The following GPATCH2 variants were observed in gnomAD, a reference collection of about 807,000 sequenced individuals.
The protein encoded by GPATCH2 is G patch domain-containing protein 2.
A neutral mutation model predicts 58.0 loss-of-function variants in GPATCH2; 51 were observed. That is an observed-to-expected ratio of 0.88 (90% CI 0.70 to 1.11). The LOEUF is 1.11. Among genes scored for constraint, GPATCH2 ranks in the 50% most tolerant of loss-of-function variants. GPATCH2 has a pLI of 0.00. For synonymous variants in GPATCH2, 222 were observed against 218.5 expected (o/e 1.02, Z -0.14); for missense variants, 625 against 652.2 (o/e 0.96, Z 0.45).
intron 7 of GPATCH2, 27 bp downstream of exon 7, chr1:217,498,328 CT>C: frequency 6.3e-7 from 1 of 1,576,042 alleles, no homozygotes. Flanking sequence ...GGCTGAGTAA[CT>C]TCCTTTTGGA....
chr1:217,495,207 T>A (rs562142387), intron 7 of GPATCH2: 2 of 161,448 alleles, frequency 1.2e-5, no homozygotes, highest in South Asian at 4.0e-4. Flanking sequence ...TAATGGTTTT[T>A]ACATTTAAAG....
At chr1:217,540,518 TTTTTC>T (rs1256204874) in intron 5 of GPATCH2, among the ~76,000 whole-genome samples, 2 of 152,214 alleles carry the variant, frequency 1.3e-5, no homozygotes, top group East Asian at 3.9e-4. Flanking sequence ...TATAAAATCT[TTTTTC>T]TTTTAGTAAC....
chr1:217,440,351 G>A (rs1659075925), intron 9 of GPATCH2, among the ~76,000 whole-genome samples: 1 of 152,160 alleles, frequency 6.6e-6, no homozygotes, highest in Non-Finnish European at 1.5e-5. Flanking sequence ...AGGTATTGAT[G>A]AAATGTATCT....
intron 8 of GPATCH2, among the ~76,000 whole-genome samples, chr1:217,488,832 C>G (rs1441911307): frequency 1.3e-5 from 2 of 151,582 alleles, no homozygotes; most frequent in Non-Finnish European, 2.9e-5. Context: ...GCTGGGACTA[C>G]AGACATGCAC....
At chr1:217,594,929 C>G (rs777864484) in intron 5 of GPATCH2, among the ~76,000 whole-genome samples, 1 of 152,100 alleles carries the variant, frequency 6.6e-6, no homozygotes, top group Non-Finnish European at 1.5e-5. Context: ...ATCCAGTCAG[C>G]TAGACAGCTG....
At chr1:217,432,274 A>G (rs1658577706) in intron 9 of GPATCH2, among the ~76,000 whole-genome samples, 1 of 152,100 alleles carries the variant, frequency 6.6e-6, no homozygotes, top group Non-Finnish European at 1.5e-5. Context: ...GTAATTGAGA[A>G]ATGCATCTAT....
In GPATCH2 at chr1:217,551,409, G is replaced by C. The variant is rs529412162; in HGVS notation, c.1099-36520C>G. Among the ~76,000 whole-genome samples, 226 of 152,158 alleles carry C rather than the reference G, an allele frequency of 1.5e-3. 1 individual carries two copies. The highest frequency in any genetic ancestry group is 3.2e-3 in the Admixed American group (49 of 15,266). ...ATGCAAATTCTCAAACCCTAACAAA[G>C]ACCTACAGAATCAGAAACTGGAAGT... is the stretch of plus-strand genomic sequence containing the variant. On this transcript the variant is annotated intron_variant, in intron 5 of 9. Transcript: ENST00000366935.
At chr1:217,608,882 T>C (rs1026485327) in intron 5 of GPATCH2, 1 of 983,112 alleles carries the variant, frequency 1.0e-6, no homozygotes, top group Non-Finnish European at 1.2e-6. Flanking sequence ...CCATTTTTAA[T>C]CTCTCCAAAT....
chr1:217,467,495 T>G (rs913690015), intron 8 of GPATCH2, among the ~76,000 whole-genome samples: 1 of 152,140 alleles, frequency 6.6e-6, no homozygotes, highest in Non-Finnish European at 1.5e-5. Flanking sequence ...TAGTGATTAT[T>G]TTACTGGTAG....
chr1:217,468,531 A>ACACAAC lies in GPATCH2; in HGVS notation c.1278-19195_1278-19194insGTTGTG, dbSNP rs1261829933. ...CACACACAACCACACACACACACAC[A>ACACAAC]CACACACACACACACACACACACAC... On this transcript the variant is annotated intron_variant, in intron 8 of 9. Coordinates refer to ENST00000366935, the MANE Select transcript of GPATCH2 (RefSeq NM_018040.5). Among the ~76,000 whole-genome samples the ACACAAC allele has an allele frequency of 1.7e-4, 15 of 90,562 alleles. No homozygotes were observed. In the South Asian group the frequency reaches 4.3e-3, roughly 26 times the overall value. The allele number at this position is 90,562 out of a possible 152,430, so 59.4% of individuals were successfully genotyped here. A position where few individuals can be genotyped will look rare whatever the true frequency, so the allele number is the denominator to read the frequency against.
intron 5 of GPATCH2, among the ~76,000 whole-genome samples, chr1:217,522,573 C>T (rs553267788): frequency 5.3e-5 from 8 of 152,184 alleles, no homozygotes; most frequent in African/African-American, 1.7e-4. Flanking sequence ...CATATGTTTA[C>T]GTAAAATCCA....
chr1:217,609,943 G>A, intron 5 of GPATCH2: 8 of 1,252,726 alleles, frequency 6.4e-6, no homozygotes, highest in Non-Finnish European at 7.0e-6. Context: ...TCCACCCTGG[G>A]CCAACCTAAA....
chr1:217,478,640 C>T (rs1661073294), intron 8 of GPATCH2, among the ~76,000 whole-genome samples: 7 of 151,340 alleles, frequency 4.6e-5, no homozygotes, highest in Admixed American at 3.9e-4. Context: ...GACCTAGCCT[C>T]AAAAGGGCAA....
chr1:217,498,494 A>C, intron 6 of GPATCH2, 99 bp from the exon 7 acceptor site: 1 of 846,754 alleles, frequency 1.2e-6, no homozygotes, highest in East Asian at 2.4e-5. Context: ...TGTCACCAGC[A>C]ACACAGCCTT....
intron 5 of GPATCH2, among the ~76,000 whole-genome samples, chr1:217,543,415 G>A (rs1351450016): frequency 4.6e-5 from 7 of 151,884 alleles, no homozygotes; most frequent in Admixed American, 2.6e-4. Context: ...GACTACAGGC[G>A]CCCACCACCT....
rs187138867 is a variant in GPATCH2, at chr1:217,609,651, C to G, written c.1098+670G>C. ...CTCATCTTAGCCCTTGTTAAAATAC[C>G]CTGAGTAAAATGCAAATATTTTAAA... On this transcript the variant is annotated intron_variant, in intron 5 of 9. Transcript: ENST00000366935. The G allele has an allele frequency of 3.1e-6, 3 of 977,070 alleles. No homozygotes were observed. The Admixed American group carries it at 1.8e-4, about 60-fold the overall frequency. 60.5% of individuals were successfully genotyped at this position (977,070 alleles called of 1,614,324 possible).
chr1:217,506,724 C>A (rs1024007912), intron 6 of GPATCH2, among the ~76,000 whole-genome samples: 4 of 152,216 alleles, frequency 2.6e-5, no homozygotes, highest in Admixed American at 1.3e-4. Context: ...CCTTGCCGAA[C>A]CTTCTCTGGT....
chr1:217,540,730 C>A (rs1664696756), intron 5 of GPATCH2, among the ~76,000 whole-genome samples: 1 of 152,048 alleles, frequency 6.6e-6, no homozygotes, highest in Non-Finnish European at 1.5e-5. Context: ...AAAAAACATC[C>A]AAATGTCTAG....
chr1:217,593,205 G>GA (rs1250937978), intron 5 of GPATCH2, among the ~76,000 whole-genome samples: 2 of 151,868 alleles, frequency 1.3e-5, no homozygotes, highest in Non-Finnish European at 2.9e-5. Context: ...AATCAAAAGA[G>GA]AAAACATTAG....
Sources: gnomAD v4.1 joint callset for allele counts (sites outside exome capture counted in the v4.1 genomes callset) on GRCh38, gnomAD v4.1.1 for gene constraint, MANE v1.5 for transcripts, NCBI Gene and HGNC (gene_info 2026-07-23, HGNC 2026-07-21) for gene names.